Variants in AGBL4 observed in about 807,000 individuals in gnomAD.
AGBL4 encodes the protein AGBL carboxypeptidase 4.
Under a neutral mutation model 66.4 loss-of-function variants are expected in AGBL4, and 58 were observed. That is an observed-to-expected ratio of 0.87 (90% confidence interval 0.71 to 1.09). The LOEUF (loss-of-function observed/expected upper bound fraction) is 1.09. Ranked by LOEUF, AGBL4 falls within the 50% of genes least tolerant of loss-of-function variation. AGBL4 has a pLI of 0.00. For synonymous variants in AGBL4, 234 were observed against 222.9 expected (o/e 1.05, Z -0.44); for missense variants, 579 against 631.0 (o/e 0.92, Z 0.88).
At chr1:48,944,722 C>A (rs761027772) in intron 5 of AGBL4, among the ~76,000 whole-genome samples, 3 of 152,284 alleles carry the variant, frequency 2.0e-5, no homozygotes, top group Non-Finnish European at 4.4e-5. Context: ...CTAATACTGT[C>A]TTGCCCTTCC....
chr1:48,695,284 C>G (rs1300424641), intron 6 of AGBL4, among the ~76,000 whole-genome samples: 1 of 152,216 alleles, frequency 6.6e-6, no homozygotes, highest in African/African-American at 2.4e-5. Flanking sequence ...TCAGACTAAT[C>G]ACCTTCTAAA....
intron 3 of AGBL4, among the ~76,000 whole-genome samples, chr1:49,556,241 A>G (rs1202108078): frequency 1.3e-5 from 2 of 151,304 alleles, no homozygotes; most frequent in African/African-American, 2.4e-5. Flanking sequence ...GACATGGATG[A>G]AGCTGGAAAC....
At chr1:49,760,238 T>A (rs1384073146) in intron 2 of AGBL4, among the ~76,000 whole-genome samples, 4 of 152,216 alleles carry the variant, frequency 2.6e-5, no homozygotes, top group Non-Finnish European at 4.4e-5. Flanking sequence ...CGTCCCATTC[T>A]TTAGGTTGCC....
chr1:48,595,982 C>T (rs1018702064), intron 9 of AGBL4, among the ~76,000 whole-genome samples: 3 of 152,186 alleles, frequency 2.0e-5, no homozygotes, highest in Admixed American at 1.3e-4. Context: ...GAAACTGAAG[C>T]TTAGGCAGGA....
chr1:49,760,474 C>G (rs1652222023), intron 2 of AGBL4, among the ~76,000 whole-genome samples: 2 of 152,060 alleles, frequency 1.3e-5, no homozygotes, highest in Non-Finnish European at 2.9e-5. Flanking sequence ...AATGAGATAC[C>G]ATCTCAACAC....
chr1:49,556,975 G>A (rs1194917118), intron 3 of AGBL4, among the ~76,000 whole-genome samples: 1 of 152,096 alleles, frequency 6.6e-6, no homozygotes, highest in Non-Finnish European at 1.5e-5. Context: ...TGGGGCCGGC[G>A]GTGCCTGCCG....
intron 1 of AGBL4, chr1:49,995,548 G>GTC (rs1660305773): frequency 6.4e-6 from 2 of 312,286 alleles, no homozygotes; most frequent in Admixed American, 8.2e-5. Context: ...TCACCTGAAG[G>GTC]TCTCTCTCTA....
intron 3 of AGBL4, among the ~76,000 whole-genome samples, chr1:49,592,111 T>C (rs1318754693): frequency 6.6e-6 from 1 of 152,192 alleles, no homozygotes; most frequent in Admixed American, 6.5e-5. Flanking sequence ...ACTAAGGGCT[T>C]CTTCACAGCA....
chr1:48,665,779 A>G (rs1486045621), intron 6 of AGBL4, among the ~76,000 whole-genome samples: 5 of 152,208 alleles, frequency 3.3e-5, no homozygotes, highest in African/African-American at 1.2e-4. Flanking sequence ...CACTTAAAAA[A>G]AAATCACCAA....
intron 3 of AGBL4, among the ~76,000 whole-genome samples, chr1:49,493,791 T>C (rs555016265): frequency 6.6e-6 from 1 of 152,024 alleles, no homozygotes; most frequent in Non-Finnish European, 1.5e-5. Flanking sequence ...AAAAAATAAA[T>C]CCTATTTTTT....
intron 4 of AGBL4, among the ~76,000 whole-genome samples, chr1:49,125,620 T>C (rs775119862): frequency 1.7e-4 from 26 of 152,264 alleles, no homozygotes; most frequent in Non-Finnish European, 3.2e-4. Flanking sequence ...TAAAATATTA[T>C]AGAAAATAAT....
intron 11 of AGBL4, among the ~76,000 whole-genome samples, chr1:48,573,996 T>C (rs138021881): frequency 2.6e-3 from 396 of 152,316 alleles, no homozygotes; most frequent in African/African-American, 9.2e-3. Context: ...AACTGGTAAA[T>C]AGCAGAACCG....
chr1:49,129,425 T>G (rs936707210), intron 4 of AGBL4, among the ~76,000 whole-genome samples: 2 of 151,362 alleles, frequency 1.3e-5, no homozygotes, highest in African/African-American at 4.8e-5. Flanking sequence ...AACTCGTCAT[T>G]TAGCATTAGG....
At chr1:48,712,285 T>A (rs1282000232) in intron 6 of AGBL4, among the ~76,000 whole-genome samples, 1 of 152,196 alleles carries the variant, frequency 6.6e-6, no homozygotes, top group Non-Finnish European at 1.5e-5. Flanking sequence ...TCAACCATCC[T>A]TCCCTCCAAT....
At chr1:48,973,469 C>T (rs911711974) in intron 5 of AGBL4, among the ~76,000 whole-genome samples, 1 of 152,072 alleles carries the variant, frequency 6.6e-6, no homozygotes, top group Non-Finnish European at 1.5e-5. Context: ...CTTCTATGAA[C>T]TCTAGTACTG....
chr1:49,897,076 G>C (rs538944694), intron 1 of AGBL4, among the ~76,000 whole-genome samples: 14 of 152,018 alleles, frequency 9.2e-5, no homozygotes, highest in Non-Finnish European at 1.9e-4. Context: ...ACTTTCATCA[G>C]TATTATTCAA....
chr1:48,708,407 A>G (rs1266285358), intron 6 of AGBL4, among the ~76,000 whole-genome samples: 1 of 152,120 alleles, frequency 6.6e-6, no homozygotes, highest in Non-Finnish European at 1.5e-5. Flanking sequence ...ATGAACCACA[A>G]TGATTCTGAG....
At chr1:48,829,421 A>C (rs1646500454) in intron 6 of AGBL4, among the ~76,000 whole-genome samples, 1 of 151,974 alleles carries the variant, frequency 6.6e-6, no homozygotes, top group African/African-American at 2.4e-5. Flanking sequence ...GTGTACCATG[A>C]CCTCTGTTTC....
chr1:49,576,702 C>T (rs1435296661), intron 3 of AGBL4, among the ~76,000 whole-genome samples: 1 of 152,166 alleles, frequency 6.6e-6, no homozygotes, highest in Non-Finnish European at 1.5e-5. Flanking sequence ...TCCTGAAGCA[C>T]AAGTAAGTTA....
Sources: allele counts gnomAD v4.1 joint callset (sites outside exome capture counted in the v4.1 genomes callset), GRCh38; gene constraint gnomAD v4.1.1; transcripts MANE v1.5; gene names NCBI Gene and HGNC (gene_info 2026-07-23, HGNC 2026-07-21).